The following UPF2 variants were observed in gnomAD, a reference collection of about 807,000 sequenced individuals.
The protein encoded by UPF2 is UPF2 regulator of nonsense mediated mRNA decay.
A neutral mutation model predicts 141.4 loss-of-function variants in UPF2; 17 were observed. That is an observed-to-expected ratio of 0.12 (90% CI 0.08 to 0.18). UPF2 has a LOEUF of 0.18. Ranked by LOEUF, UPF2 falls within the 10% of genes least tolerant of loss-of-function variation. The probability of loss-of-function intolerance (pLI) is 1.00; values close to 1 mark genes in which losing one functional copy is unlikely to be tolerated. For missense variants in UPF2, 1,152 were observed against 1,515.9 expected (o/e 0.76, Z 3.99); for synonymous variants, 540 against 498.0 (o/e 1.08, Z -1.12).
At chr10:12,025,782 C>A (rs1834409100) in intron 3 of UPF2, among the ~76,000 whole-genome samples, 1 of 151,992 alleles carries the variant, frequency 6.6e-6, no homozygotes. Context: ...TGAATGTGAC[C>A]AGAAGATAAG....
Position 12,029,413 on chromosome 10 carries a change from G to C in UPF2, c.477C>G (p.Asn159Lys), listed in dbSNP as rs1834475694. The change falls in exon 3 of 22, where the codon AAC becomes AAG. Residue 159 changes from asparagine (N) to lysine (K), a missense_variant. By Grantham distance (94) the Asn-to-Lys change is moderately conservative. This residue lies in a region of UPF2 where 739 missense variants were observed against 1,032.2 expected (regional missense o/e 0.72). Transcript: ENST00000357604. ...AACTTGAGTCGAGGCGGCTGAAGAA[G>C]TTTTCCTCTGGTCGGCTGTCCGGAG... The part of the protein sequence containing the change: ...QNAPDSRPEE[N>K]FFSRLDSSLK... 5 of 1,614,200 alleles carry C rather than the reference G, an allele frequency of 3.1e-6. No individual in the cohort carries two copies. The highest frequency in any genetic ancestry group is 4.2e-6 in the Non-Finnish European group (5 of 1,180,040).
chr10:11,976,591 C>G (rs1833509616), intron 9 of UPF2, among the ~76,000 whole-genome samples: 1 of 152,110 alleles, frequency 6.6e-6, no homozygotes, highest in Non-Finnish European at 1.5e-5. Context: ...TGAAAACTTT[C>G]TAAGTATCAT....
intron 14 of UPF2, among the ~76,000 whole-genome samples, chr10:11,954,643 AATAT>A (rs1554775869): frequency 1.2e-4 from 16 of 128,352 alleles, no homozygotes; most frequent in African/African-American, 1.9e-4. Flanking sequence ...CAAAAAAAAA[AATAT>A]ATATATATAT....
At chr10:11,995,210 A>G (rs2131257177) in intron 8 of UPF2, among the ~76,000 whole-genome samples, 1 of 152,302 alleles carries the variant, frequency 6.6e-6, no homozygotes, top group South Asian at 2.1e-4. Flanking sequence ...AATAAAGGAC[A>G]TCCCAGATAA....
chr10:11,951,442 T>C (rs10906038), intron 15 of UPF2, among the ~76,000 whole-genome samples: 99,630 of 152,120 alleles, frequency 0.65, 33,808 homozygotes, highest in East Asian at 0.85. Flanking sequence ...ATGGCTATAC[T>C]TTGTACTGGT....
At chr10:12,009,697 C>G (rs1834095707) in intron 4 of UPF2, among the ~76,000 whole-genome samples, 1 of 152,150 alleles carries the variant, frequency 6.6e-6, no homozygotes, top group African/African-American at 2.4e-5. Flanking sequence ...CAGGCAGTCT[C>G]CCTGAGTTGA....
At chr10:11,975,796 T>C (rs1031278619) in intron 9 of UPF2, among the ~76,000 whole-genome samples, 3 of 151,996 alleles carry the variant, frequency 2.0e-5, no homozygotes, top group Non-Finnish European at 2.9e-5. Flanking sequence ...GGATTACAGG[T>C]GTGGGCCACC....
intron 3 of UPF2, chr10:12,026,539 T>C (rs950142414): frequency 4.7e-6 from 2 of 421,520 alleles, no homozygotes; most frequent in African/African-American, 2.1e-5. Context: ...CCTCTACTGG[T>C]ATTCCTCAAA....
chr10:11,972,055 C>T (rs1161380128), intron 9 of UPF2, among the ~76,000 whole-genome samples: 1 of 134,472 alleles, frequency 7.4e-6, no homozygotes, highest in African/African-American at 2.8e-5. Context: ...CAGAGCAAGA[C>T]TCTGTCTCAA....
At position 12,004,674 on chromosome 10, in the gene UPF2, A is replaced by C; in HGVS notation, c.1360T>G (p.Leu454Val). 1 of 1,613,866 alleles carries C rather than the reference A, an allele frequency of 6.2e-7. No individual in the cohort carries two copies. The highest frequency in any genetic ancestry group is 8.5e-7 in the Non-Finnish European group (1 of 1,179,896). ...FTPGKPGEYD[L>V]EGGIWEDEDA... is the part of the protein sequence containing the mutation. ...TCATCTTCCCATATACCACCTTCCAAGTCATATTCTCCAGGTTTACCAGGT... is the reference window on the plus strand; with the variant it reads ...TCATCTTCCCATATACCACCTTCCACGTCATATTCTCCAGGTTTACCAGGT... The change falls in exon 5 of 22, where the codon TTG (leucine) becomes GTG (valine). Residue 454 changes from leucine to valine, a missense_variant. By Grantham distance (32) the Leu-to-Val change is conservative. This residue lies in a region of UPF2 where 739 missense variants were observed against 1,032.2 expected (regional missense o/e 0.72). Transcript: ENST00000357604.
At position 12,035,335 on chromosome 10, in the gene UPF2, G is replaced by A. The variant is rs773223594; in HGVS notation, c.89C>T (p.Thr30Ile). The A allele has an allele frequency of 5.0e-6, 8 of 1,612,108 alleles. No individual in the cohort carries two copies. The East Asian group carries it at 6.7e-5, about 13-fold the overall frequency. Reference sequence around the variant, plus strand: ...TTTTGGCCTCTCCTTGCTGCTCACTGTCCGCCTTTCACTGCAGTCTTTTTC... The same window carrying A: ...TTTTGGCCTCTCCTTGCTGCTCACTATCCGCCTTTCACTGCAGTCTTTTTC... ...NKEKDCSERR[T>I]VSSKERPKDD... is the part of the protein sequence containing the mutation. The change falls in exon 2 of 22, where the codon ACA becomes ATA. Residue 30 changes from threonine (T) to isoleucine (I), a missense_variant. By Grantham distance (89) the Thr-to-Ile change is moderately conservative (BLOSUM62 -1). Coordinates refer to ENST00000357604, the MANE Select transcript of UPF2 (RefSeq NM_015542.4).
At chr10:11,963,347 C>T (rs1833269820) in intron 11 of UPF2, among the ~76,000 whole-genome samples, 1 of 152,106 alleles carries the variant, frequency 6.6e-6, no homozygotes, top group Non-Finnish European at 1.5e-5. Flanking sequence ...TTCATTCATT[C>T]ATTCATTCGA....
In UPF2 at chr10:11,999,969, C is replaced by T. The variant is rs1395327714; in HGVS notation, c.1695G>A (p.Lys565=). 1 of 1,613,068 alleles carries T rather than the reference C, an allele frequency of 6.2e-7. No individual in the cohort carries two copies. The highest frequency in any genetic ancestry group is 1.3e-5 in the African/African-American group (1 of 74,868). Residue 565 remains lysine (K), a synonymous_variant, in exon 7 of 22, where the codon AAG becomes AAA. Coordinates refer to ENST00000357604, the MANE Select transcript of UPF2 (RefSeq NM_015542.4). ...DEEASTGSHL[K]LIVDAFLQQL... ...GCTGTAGGAAAGCATCTACTATGAGCTTGAGATGAGATCCAGTGCTGGCTT... is the reference window on the plus strand; with the variant it reads ...GCTGTAGGAAAGCATCTACTATGAGTTTGAGATGAGATCCAGTGCTGGCTT...
rs1443751195 is a variant in UPF2 at position 11,956,185 on chromosome 10, T to G, written c.2574+135A>C. On this transcript the variant is annotated intron_variant, in intron 13 of 21. Coordinates refer to ENST00000357604, the MANE Select transcript of UPF2 (RefSeq NM_015542.4). This position sits in a 1 kb window ranked among gnomAD's most constrained non-coding sequence, Gnocchi z 4.2. ...AAAGAGGAAAGTGTTTACAGGAAAT[T>G]CTTATAAAATGATTATCAGCTTTTT... is the stretch of plus-strand genomic sequence containing the variant. 1 of 872,072 alleles carries G rather than the reference T, an allele frequency of 1.1e-6. No individual in the cohort carries two copies. The highest frequency in any genetic ancestry group is 1.8e-6 in the Non-Finnish European group (1 of 565,754). 54.0% of individuals were successfully genotyped at this position (872,072 alleles called of 1,614,324 possible).
rs1225290722 is a variant in UPF2, at chr10:11,956,921, A to G, written c.2371-398T>C. On this transcript the variant is annotated intron_variant, in intron 12 of 21. Coordinates refer to ENST00000357604, the MANE Select transcript of UPF2 (RefSeq NM_015542.4). This position sits in a 1 kb window ranked among gnomAD's most constrained non-coding sequence, Gnocchi z 4.2. Reference sequence around the variant, plus strand: ...CTGCAACCTCCTCCTCCATGGCTCAAGCAATCCTCCCACCTCAGTCCCCCA... The same window carrying G: ...CTGCAACCTCCTCCTCCATGGCTCAGGCAATCCTCCCACCTCAGTCCCCCA... Among the ~76,000 whole-genome samples the G allele has an allele frequency of 2.6e-5, 4 of 152,154 alleles. No individual in the cohort carries two copies. The highest frequency in any genetic ancestry group is 7.2e-5 in the African/African-American group (3 of 41,440).
At chr10:12,036,641 T>C (rs1834630283) in intron 1 of UPF2, among the ~76,000 whole-genome samples, 1 of 152,234 alleles carries the variant, frequency 6.6e-6, no homozygotes, top group African/African-American at 2.4e-5. Flanking sequence ...TCTAAAAATA[T>C]ATTTCTCTAC....
intron 3 of UPF2, among the ~76,000 whole-genome samples, chr10:12,021,361 C>T (rs560258655): frequency 3.5e-4 from 32 of 91,586 alleles, no homozygotes; most frequent in African/African-American, 9.3e-4. Flanking sequence ...GAAACCAAGT[C>T]TCTACAAAAA....
At chr10:12,004,847 A>G in intron 4 of UPF2, 120 bp from the exon 5 acceptor site, 1 of 924,170 alleles carries the variant, frequency 1.1e-6, no homozygotes, top group Non-Finnish European at 1.6e-6. Context: ...ACTGACAGGA[A>G]CTTCTTCAAT....
At position 11,999,984 on chromosome 10, in the gene UPF2, A is replaced by C; in HGVS notation, c.1680T>G (p.Thr560=). The change falls in exon 7 of 22, where the codon ACT becomes ACG. Residue 560 remains threonine (T), a synonymous_variant. Coordinates refer to ENST00000357604, the MANE Select transcript of UPF2 (RefSeq NM_015542.4). Reference sequence around the variant, plus strand: ...CTACTATGAGCTTGAGATGAGATCCAGTGCTGGCTTCCTCATCTTCTTGTT... The same window carrying C: ...CTACTATGAGCTTGAGATGAGATCCCGTGCTGGCTTCCTCATCTTCTTGTT... ...EQEQEDEEAS[T]GSHLKLIVDA... is the part of the protein sequence containing the mutation. 1.2e-6 allele frequency: 2 copies of C among 1,609,240 alleles called. No individual in the cohort carries two copies. The highest frequency in any genetic ancestry group is 1.7e-6 in the Non-Finnish European group (2 of 1,178,680).
Sources: allele counts gnomAD v4.1 joint callset (sites outside exome capture counted in the v4.1 genomes callset), GRCh38; gene constraint gnomAD v4.1.1; regional missense constraint gnomAD v4.1.1; non-coding constraint Gnocchi (gnomAD v3.1); transcripts MANE v1.5; gene names NCBI Gene and HGNC (gene_info 2026-07-23, HGNC 2026-07-21).